The following THSD7B variants were observed in gnomAD, a reference collection of about 807,000 sequenced individuals.
THSD7B encodes thrombospondin type 1 domain containing 7B.
Under a neutral mutation model 213.6 loss-of-function variants are expected in THSD7B, and 138 were observed. The ratio of observed to expected loss-of-function variants is 0.65; its 90% CI spans 0.56 to 0.74. The LOEUF (loss-of-function observed/expected upper bound fraction) is 0.74, where lower values mean the gene tolerates loss of function less well. THSD7B is among the 30% of genes least tolerant of loss of function. The probability of loss-of-function intolerance (pLI) is 0.00; values close to 1 mark genes in which losing one functional copy is unlikely to be tolerated. For synonymous variants in THSD7B, 742 were observed against 687.0 expected (o/e 1.08, Z -1.25); for missense variants, 1,931 against 1,991.5 (o/e 0.97, Z 0.58).
chr2:137,131,866 C>T lies in THSD7B; in HGVS notation c.1369+16573C>T, dbSNP rs1329166245. ...TAGGATTGACTTGGCAATGTGGGCT[C>T]TTTTTTGGTTCCATATGAACTTTAA... On this transcript the variant is annotated intron_variant, in intron 5 of 27. Coordinates refer to ENST00000409968, the MANE Select transcript of THSD7B (RefSeq NM_001316349.2). 3.9e-5 allele frequency among the ~76,000 whole-genome samples: 6 copies of T among 152,052 alleles called. No homozygotes were observed. In the South Asian group the frequency reaches 1.2e-3, roughly 32 times the overall value.
chr2:137,612,469 AG>A (rs1682306792), intron 17 of THSD7B, among the ~76,000 whole-genome samples: 1 of 152,208 alleles, frequency 6.6e-6, no homozygotes, highest in South Asian at 2.1e-4. Context: ...GTGTCACATA[AG>A]ACCTCCCATT....
In THSD7B at chr2:137,174,207, G is replaced by A. The variant is rs547302977; in HGVS notation, c.1723+3269G>A. On this transcript the variant is annotated intron_variant, in intron 7 of 27. Transcript: ENST00000409968. The stretch of plus-strand genomic sequence containing the variant: ...CTCCTTCTAGATATCCTGCATATAG[G>A]TGTTTAGAAAGGAACATTCAACATC... 2.0e-5 allele frequency among the ~76,000 whole-genome samples: 3 copies of A among 152,248 alleles called. No individual in the cohort carries two copies. The East Asian group carries it at 5.8e-4, about 29-fold the overall frequency.
chr2:136,979,200 C>T (rs1685535105), intron 2 of THSD7B, among the ~76,000 whole-genome samples: 1 of 151,644 alleles, frequency 6.6e-6, no homozygotes, highest in Admixed American at 6.6e-5. Flanking sequence ...GTGACCTGAC[C>T]TTTCTTTCTT....
chr2:137,314,394 A>G (rs1036117844), intron 12 of THSD7B, among the ~76,000 whole-genome samples: 16 of 152,168 alleles, frequency 1.1e-4, no homozygotes, highest in Non-Finnish European at 1.3e-4. Context: ...TGGTTATTCT[A>G]GTTATACATT....
chr2:136,896,557 A>T (rs1219299872), intron 2 of THSD7B, among the ~76,000 whole-genome samples: 1 of 152,090 alleles, frequency 6.6e-6, no homozygotes, highest in Non-Finnish European at 1.5e-5. Flanking sequence ...TATGAAGCCT[A>T]GTTTTCCAAT....
At chr2:136,820,330 GAGGATACCCTGA>G (rs1278282261) in intron 1 of THSD7B, among the ~76,000 whole-genome samples, 1 of 152,148 alleles carries the variant, frequency 6.6e-6, no homozygotes, top group African/African-American at 2.4e-5. Context: ...GAATAACCTG[GAGGATACCCTGA>G]ACCTAGTGAT....
At chr2:137,579,247 C>G (rs1385720047) in intron 17 of THSD7B, among the ~76,000 whole-genome samples, 1 of 152,070 alleles carries the variant, frequency 6.6e-6, no homozygotes, top group African/African-American at 2.4e-5. Flanking sequence ...GTTAAAGGCC[C>G]AAGTAGAACA....
At chr2:137,658,410 G>C (rs1353129076) in intron 24 of THSD7B, among the ~76,000 whole-genome samples, 1 of 152,164 alleles carries the variant, frequency 6.6e-6, no homozygotes, top group East Asian at 1.9e-4. Context: ...AAGAAGCTCA[G>C]GTCATCAGTA....
intron 12 of THSD7B, among the ~76,000 whole-genome samples, chr2:137,383,352 C>A (rs533779216): frequency 6.6e-6 from 1 of 152,334 alleles, no homozygotes; most frequent in African/African-American, 2.4e-5. Flanking sequence ...GCTGTGGCCT[C>A]TGAGTCCAGG....
intron 20 of THSD7B, among the ~76,000 whole-genome samples, chr2:137,623,971 A>G (rs1682571882): frequency 6.6e-6 from 1 of 152,248 alleles, no homozygotes; most frequent in African/African-American, 2.4e-5. Context: ...AGAATTGGAA[A>G]AAACTACTTT....
At chr2:137,328,588 C>G (rs1347244581) in intron 12 of THSD7B, among the ~76,000 whole-genome samples, 1 of 152,170 alleles carries the variant, frequency 6.6e-6, no homozygotes, top group African/African-American at 2.4e-5. Context: ...GGTGTTTTGT[C>G]TAGTGACATC....
At chr2:137,345,133 A>C (rs1684848360) in intron 12 of THSD7B, among the ~76,000 whole-genome samples, 1 of 151,750 alleles carries the variant, frequency 6.6e-6, no homozygotes, top group South Asian at 2.1e-4. Context: ...AAATAATCTA[A>C]TGGCAAATCT....
intron 2 of THSD7B, among the ~76,000 whole-genome samples, chr2:136,900,704 T>C (rs1214148375): frequency 6.6e-6 from 1 of 152,238 alleles, no homozygotes; most frequent in African/African-American, 2.4e-5. Flanking sequence ...TCATGCATTA[T>C]GTAACCTTTA....
At chr2:137,224,843 T>A (rs552284294) in intron 7 of THSD7B, among the ~76,000 whole-genome samples, 1 of 152,280 alleles carries the variant, frequency 6.6e-6, no homozygotes, top group Non-Finnish European at 1.5e-5. Flanking sequence ...CAGTTAGGCT[T>A]CTGAAACAAA....
chr2:136,871,810 T>C (rs1448403179), intron 1 of THSD7B, among the ~76,000 whole-genome samples: 1 of 152,172 alleles, frequency 6.6e-6, no homozygotes, highest in African/African-American at 2.4e-5. Context: ...ATAAGCTGTG[T>C]CAGAGCCCTC....
chr2:137,270,403 T>G (rs571657370), intron 10 of THSD7B, among the ~76,000 whole-genome samples: 1 of 152,234 alleles, frequency 6.6e-6, no homozygotes, highest in South Asian at 2.1e-4. Context: ...TAACTTCCAG[T>G]TCAAGGTCAT....
chr2:137,411,109 A>C (rs1011856842), intron 13 of THSD7B, among the ~76,000 whole-genome samples: 2 of 152,268 alleles, frequency 1.3e-5, no homozygotes, highest in African/African-American at 4.8e-5. Flanking sequence ...CATTTATTTC[A>C]ATTTATTGTT....
chr2:137,511,826 G>A (rs976493524), intron 15 of THSD7B, among the ~76,000 whole-genome samples: 5 of 152,118 alleles, frequency 3.3e-5, no homozygotes, highest in African/African-American at 7.2e-5. Context: ...TGTATGGAGA[G>A]TTTATTATTT....
intron 7 of THSD7B, among the ~76,000 whole-genome samples, chr2:137,225,298 C>T (rs1681470965): frequency 6.6e-6 from 1 of 152,194 alleles, no homozygotes; most frequent in Admixed American, 6.5e-5. Context: ...CCACCCCATG[C>T]CATGATGCAG....
Sources: allele counts gnomAD v4.1 joint callset (sites outside exome capture counted in the v4.1 genomes callset), GRCh38; gene constraint gnomAD v4.1.1; transcripts MANE v1.5; gene names NCBI Gene and HGNC (gene_info 2026-07-23, HGNC 2026-07-21).